The following TGFBR3 variants were observed in gnomAD, a reference collection of about 807,000 sequenced individuals.
The protein encoded by TGFBR3 is transforming growth factor beta receptor type 3.
TGFBR3 carries 46 observed loss-of-function variants against 87.9 expected under a neutral mutation model. That is an observed-to-expected ratio of 0.52 (90% CI 0.41 to 0.67). The LOEUF is 0.67. Among genes scored for constraint, TGFBR3 ranks in the 30% least tolerant of loss-of-function variants. The probability of loss-of-function intolerance (pLI) is 0.00; values close to 1 mark genes in which losing one functional copy is unlikely to be tolerated. For synonymous variants in TGFBR3, 381 were observed against 391.6 expected (o/e 0.97, Z 0.32); for missense variants, 866 against 1,041.9 (o/e 0.83, Z 2.32).
intron 2 of TGFBR3, among the ~76,000 whole-genome samples, chr1:91,834,871 G>C (rs750916672): frequency 6.6e-6 from 1 of 152,108 alleles, no homozygotes; most frequent in Non-Finnish European, 1.5e-5. Context: ...GTAGAGTCAG[G>C]GTTTTGCCAT....
At chr1:91,785,367 C>A (rs1319291331) in intron 3 of TGFBR3, among the ~76,000 whole-genome samples, 2 of 152,174 alleles carry the variant, frequency 1.3e-5, no homozygotes, top group Non-Finnish European at 2.9e-5. Flanking sequence ...TTAATAGATA[C>A]AAGGTTTCTT....
At chr1:91,750,856 C>T (rs1027285835) in intron 4 of TGFBR3, among the ~76,000 whole-genome samples, 2 of 152,172 alleles carry the variant, frequency 1.3e-5, no homozygotes, top group East Asian at 3.9e-4. Context: ...CAGGAAGCTG[C>T]CTTGATTGCA....
chr1:91,805,976 T>G (rs912631478), intron 2 of TGFBR3, among the ~76,000 whole-genome samples: 1 of 152,180 alleles, frequency 6.6e-6, no homozygotes, highest in Non-Finnish European at 1.5e-5. Context: ...TACTTTCCAG[T>G]TCCTCGCCTC....
intron 14 of TGFBR3, among the ~76,000 whole-genome samples, chr1:91,705,397 TG>T (rs1413713308): frequency 6.6e-6 from 1 of 151,492 alleles, no homozygotes. Flanking sequence ...CTAATTTTTT[TG>T]GTTTTTTTTT....
chr1:91,847,410 C>A lies in TGFBR3; in HGVS notation c.61+14061G>T, dbSNP rs550760881. On this transcript the variant is annotated intron_variant, in intron 2 of 16. Coordinates refer to ENST00000212355, the MANE Select transcript of TGFBR3 (RefSeq NM_003243.5). ...CCTGAGGTTGGGAGTTCGAGACCAG[C>A]CTGAGCAACATGGAGAAACCCCATT... 8.6e-5 allele frequency among the ~76,000 whole-genome samples: 13 copies of A among 151,960 alleles called. No homozygotes were observed. The South Asian group carries it at 2.3e-3, about 27-fold the overall frequency.
At chr1:91,692,222 T>C (rs1280100186) in intron 16 of TGFBR3, among the ~76,000 whole-genome samples, 1 of 152,130 alleles carries the variant, frequency 6.6e-6, no homozygotes, top group African/African-American at 2.4e-5. Context: ...AAGGGGACAT[T>C]TTCCATAACA....
At chr1:91,802,985 T>C (rs1418932425) in intron 2 of TGFBR3, among the ~76,000 whole-genome samples, 1 of 152,178 alleles carries the variant, frequency 6.6e-6, no homozygotes, top group Non-Finnish European at 1.5e-5. Flanking sequence ...CAAGATGCTC[T>C]TAATTCTTAT....
At chr1:91,896,653 G>A (rs1179971793) in intron 2 of TGFBR3, among the ~76,000 whole-genome samples, 3 of 152,194 alleles carry the variant, frequency 2.0e-5, no homozygotes, top group African/African-American at 7.2e-5. Context: ...CTAGCTGAAA[G>A]AGAAAGAGTC....
chr1:91,712,156 C>T (rs1349546818), intron 13 of TGFBR3, 87 bp downstream of exon 13: 1 of 1,307,110 alleles, frequency 7.7e-7, no homozygotes, highest in African/African-American at 1.5e-5. Flanking sequence ...AACAAAAAAC[C>T]TCAACCTGCA....
At chr1:91,835,972 C>T (rs1196009454) in intron 2 of TGFBR3, among the ~76,000 whole-genome samples, 2 of 151,626 alleles carry the variant, frequency 1.3e-5, no homozygotes, top group East Asian at 1.9e-4. Flanking sequence ...ATTCAGATGT[C>T]GGCCGTGGTT....
chr1:91,811,024 A>G (rs1173807939), intron 2 of TGFBR3, among the ~76,000 whole-genome samples: 1 of 152,182 alleles, frequency 6.6e-6, no homozygotes, highest in Non-Finnish European at 1.5e-5. Flanking sequence ...AAGGAAACAA[A>G]TCACAGGCAG....
intron 2 of TGFBR3, among the ~76,000 whole-genome samples, chr1:91,808,593 G>GTA (rs1443676725): frequency 6.6e-6 from 1 of 152,106 alleles, no homozygotes; most frequent in Non-Finnish European, 1.5e-5. Flanking sequence ...AGCCTCCCAA[G>GTA]TAGCTGGAAT....
intron 3 of TGFBR3, among the ~76,000 whole-genome samples, chr1:91,780,173 G>C (rs1674710597): frequency 6.6e-6 from 1 of 152,158 alleles, no homozygotes; most frequent in African/African-American, 2.4e-5. Context: ...ACATTCCCAG[G>C]TTTAGGGGTT....
intron 3 of TGFBR3, among the ~76,000 whole-genome samples, chr1:91,774,506 A>G (rs1003304226): frequency 2.6e-5 from 4 of 152,188 alleles, no homozygotes; most frequent in Non-Finnish European, 4.4e-5. Context: ...TTATTGAAAT[A>G]TAAGTTTCCA....
At chr1:91,742,085 C>T (rs961420322) in intron 4 of TGFBR3, among the ~76,000 whole-genome samples, 1 of 152,104 alleles carries the variant, frequency 6.6e-6, no homozygotes, top group African/African-American at 2.4e-5. Flanking sequence ...TGCCTGAACC[C>T]GTCTATCCTA....
chr1:91,712,228 T>A lies in TGFBR3; in HGVS notation c.2166+15A>T. On this transcript the variant is annotated intron_variant, in intron 13 of 16. Coordinates refer to ENST00000212355, the MANE Select transcript of TGFBR3 (RefSeq NM_003243.5). Reference sequence around the variant, plus strand: ...ATGCCAAAATAACCATCCGAATGGATGAAGGCCCACAAACCTTAGGCAACT... The same window carrying A: ...ATGCCAAAATAACCATCCGAATGGAAGAAGGCCCACAAACCTTAGGCAACT... 1 of 1,613,428 alleles carries A rather than the reference T, an allele frequency of 6.2e-7. No homozygotes were observed. Among genetic ancestry groups the A allele is most frequent in the Non-Finnish European group, 8.5e-7 (1 of 1,179,570 alleles).
chr1:91,758,315 G>T (rs1673822116), intron 4 of TGFBR3, among the ~76,000 whole-genome samples: 1 of 152,028 alleles, frequency 6.6e-6, no homozygotes, highest in African/African-American at 2.4e-5. Context: ...TGCCACAAGG[G>T]GGGTTTCAGA....
At chr1:91,862,302 C>T (rs1035920737) in intron 1 of TGFBR3, among the ~76,000 whole-genome samples, 14 of 151,966 alleles carry the variant, frequency 9.2e-5, no homozygotes, top group African/African-American at 3.1e-4. Context: ...CTAGTGCCAG[C>T]AAGAAAACAA....
chr1:91,701,219 T>C (rs1349417872), intron 14 of TGFBR3, among the ~76,000 whole-genome samples: 1 of 152,060 alleles, frequency 6.6e-6, no homozygotes, highest in Non-Finnish European at 1.5e-5. Flanking sequence ...CAGTTGTTGT[T>C]CATTTCCCCT....
Sources: allele counts gnomAD v4.1 joint callset (sites outside exome capture counted in the v4.1 genomes callset), GRCh38; gene constraint gnomAD v4.1.1; transcripts MANE v1.5; gene names NCBI Gene and HGNC (gene_info 2026-07-23, HGNC 2026-07-21).